The following PUDP variants were observed in gnomAD, a reference collection of about 807,000 sequenced individuals.
PUDP encodes pseudouridine-5'-phosphatase.
A neutral mutation model predicts 9.4 loss-of-function variants in PUDP; 8 were observed. That is an observed-to-expected ratio of 0.85 (90% CI 0.50 to 1.53). The LOEUF (loss-of-function observed/expected upper bound fraction) is 1.53. Ranked by LOEUF, PUDP falls within the 40% of genes most tolerant of loss-of-function variation. PUDP has a pLI of 0.00. For missense variants in PUDP, 188 were observed against 189.7 expected, an observed-to-expected ratio of 0.99 and a Z score of 0.05; for synonymous variants, 99 against 80.7, an observed-to-expected ratio of 1.23 and a Z score of -1.22.
intron 3 of PUDP, among the ~76,000 whole-genome samples, chrX:6,887,120 T>A (rs1032145739): frequency 1.6e-4 from 14 of 85,831 alleles, no homozygotes; most frequent in Admixed American, 1.2e-3. Flanking sequence ...TATTATATGA[T>A]ATATAAGTAT....
At chrX:7,080,587 CACCTAAA>C (rs2146870421) in intron 2 of PUDP, among the ~76,000 whole-genome samples, 1 of 111,994 alleles carries the variant, frequency 8.9e-6, no homozygotes, top group East Asian at 2.8e-4. Flanking sequence ...AGAAGTACTC[CACCTAAA>C]GAGCTTCTAC....
chrX:6,964,704 T>C (rs939163565), intron 3 of PUDP, among the ~76,000 whole-genome samples: 3 of 110,833 alleles, frequency 2.7e-5, no homozygotes, highest in Admixed American at 1.9e-4. Context: ...AAAAAGTCAA[T>C]AAATGAATAA....
At chrX:6,860,468 G>A (rs868843769) in intron 3 of PUDP, among the ~76,000 whole-genome samples, 1 of 100,432 alleles carries the variant, frequency 1.0e-5, no homozygotes, top group Non-Finnish European at 2.0e-5. Flanking sequence ...GTGGTTTTTT[G>A]TTTTTTGTTT....
chrX:7,116,982 T>C (rs1230149956), intron 1 of PUDP: 31 of 1,165,589 alleles, frequency 2.7e-5, no homozygotes, highest in Middle Eastern at 2.4e-4. Context: ...ACCGTGATTG[T>C]AAGCCTCTTG....
chrX:7,070,564 C>A (rs1930699386), intron 3 of PUDP, among the ~76,000 whole-genome samples: 1 of 110,809 alleles, frequency 9.0e-6, no homozygotes, highest in Admixed American at 9.6e-5. Context: ...CAAAGCTCAG[C>A]TGGTCACCAA....
intron 1 of PUDP, among the ~76,000 whole-genome samples, chrX:7,007,066 T>C (rs1275747709): frequency 9.0e-6 from 1 of 110,634 alleles, no homozygotes; most frequent in Non-Finnish European, 1.9e-5. Context: ...ACTGAGACAA[T>C]GAGCATTGCC....
At chrX:6,810,629 C>T (rs1248263952) in intron 3 of PUDP, among the ~76,000 whole-genome samples, 3 of 111,818 alleles carry the variant, frequency 2.7e-5, no homozygotes, top group Non-Finnish European at 5.6e-5. Context: ...GAGGGCAACA[C>T]CATCTACATT....
At chrX:7,122,864 A>C (rs1397984326) in intron 1 of PUDP, among the ~76,000 whole-genome samples, 1 of 112,841 alleles carries the variant, frequency 8.9e-6, no homozygotes, top group Non-Finnish European at 1.9e-5. Flanking sequence ...TATTTGAATA[A>C]AGATTAATGA....
chrX:7,133,697 C>G lies in PUDP; in HGVS notation c.61+14356G>C, dbSNP rs566039796. 8.9e-4 allele frequency among the ~76,000 whole-genome samples: 99 copies of G among 111,789 alleles called. No homozygotes were observed. In the South Asian group the frequency reaches 0.035, roughly 40 times the overall value. On this transcript the variant is annotated intron_variant, in intron 1 of 3. Coordinates refer to ENST00000381077, the MANE Select transcript of PUDP (RefSeq NM_012080.5). ...GAAGAGAGGCAGAAAGACAGACAAGCCAGTTTCAAAACACGTCCTTAAAAT... is the reference window on the plus strand; with the variant it reads ...GAAGAGAGGCAGAAAGACAGACAAGGCAGTTTCAAAACACGTCCTTAAAAT...
At chrX:6,911,580 A>G (rs1244867662) in intron 3 of PUDP, among the ~76,000 whole-genome samples, 1 of 111,881 alleles carries the variant, frequency 8.9e-6, no homozygotes, top group Non-Finnish European at 1.9e-5. Flanking sequence ...AATGTGTTTC[A>G]GGCCATGTTT....
chrX:7,122,058 T>C (rs1173622021), intron 1 of PUDP, among the ~76,000 whole-genome samples: 1 of 111,105 alleles, frequency 9.0e-6, no homozygotes, highest in African/African-American at 3.3e-5. Context: ...TGTGGTAGCA[T>C]GTGCCTCTGG....
rs1441670731 is a variant in PUDP, at chrX:7,083,155, C to T, written c.281-5706G>A. ...ACTTCCAGTCTCCAGAACTGGGAGA[C>T]AGTCAACTTCTGTTATTAGAAGTTG... is the stretch of plus-strand genomic sequence containing the variant. On this transcript the variant is annotated intron_variant, in intron 2 of 3. Transcript: ENST00000381077. Among the ~76,000 whole-genome samples, 3 of 111,973 alleles carry T rather than the reference C, an allele frequency of 2.7e-5. No homozygotes were observed. In the South Asian group the frequency reaches 1.1e-3, roughly 42 times the overall value.
At chrX:6,844,729 A>C (rs1409352030) in intron 3 of PUDP, among the ~76,000 whole-genome samples, 5 of 112,508 alleles carry the variant, frequency 4.4e-5, no homozygotes, top group African/African-American at 1.6e-4. Context: ...GAAGACAAGA[A>C]GTCCCACAAT....
At chrX:6,881,405 A>G (rs745718584) in intron 3 of PUDP, among the ~76,000 whole-genome samples, 1 of 111,992 alleles carries the variant, frequency 8.9e-6, no homozygotes, top group African/African-American at 3.2e-5. Flanking sequence ...AATTATAAAT[A>G]TTCTCTGTTC....
chrX:7,103,851 A>G (rs760875604), intron 2 of PUDP, among the ~76,000 whole-genome samples: 1 of 112,377 alleles, frequency 8.9e-6, no homozygotes, highest in East Asian at 2.8e-4. Context: ...AGAGATATCA[A>G]CTCACACCCA....
chrX:6,718,078 G>T (rs899523480), intron 1 of PUDP, among the ~76,000 whole-genome samples: 2 of 109,458 alleles, frequency 1.8e-5, no homozygotes, highest in Non-Finnish European at 3.8e-5. Context: ...TGAGTTTCTT[G>T]TAGATTCTGG....
chrX:7,037,314 CCTTGA>C lies in PUDP; in HGVS notation c.204+39901_204+39905del, dbSNP rs772922621. ...AGAACATTTTAATGTGATTATTTTA[CCTTGA>C]CTTATCTTCACCAGGCAGCTTTGGG... On this transcript the variant is annotated intron_variant and NMD_transcript_variant, in intron 1 of 3. Transcript: ENST00000655425. 5.4e-5 allele frequency among the ~76,000 whole-genome samples: 6 copies of C among 111,966 alleles called. No homozygotes were observed. In the East Asian group the frequency reaches 1.7e-3, roughly 31 times the overall value.
chrX:7,052,689 A>C (rs1169686796), intron 3 of PUDP, among the ~76,000 whole-genome samples: 1 of 112,044 alleles, frequency 8.9e-6, no homozygotes, highest in Admixed American at 9.4e-5. Flanking sequence ...GTGACAATGG[A>C]ATGTGAATGC....
intron 3 of PUDP, among the ~76,000 whole-genome samples, chrX:6,754,290 C>T (rs1287588297): frequency 9.0e-6 from 1 of 111,260 alleles, no homozygotes; most frequent in African/African-American, 3.3e-5. Context: ...GTGCACTTCT[C>T]TTGTCTGCTG....
Sources: allele counts gnomAD v4.1 joint callset (sites outside exome capture counted in the v4.1 genomes callset), GRCh38; gene constraint gnomAD v4.1.1; transcripts MANE v1.5; gene names NCBI Gene and HGNC (gene_info 2026-07-23, HGNC 2026-07-21).